The following PPA1 variants were observed in gnomAD, a reference collection of about 807,000 sequenced individuals.
PPA1 encodes the protein inorganic pyrophosphatase 1, also known as inorganic pyrophosphatase.
Under a neutral mutation model 41.8 loss-of-function variants are expected in PPA1, and 23 were observed. The ratio of observed to expected loss-of-function variants is 0.55; its 90% CI spans 0.40 to 0.78. PPA1 has a LOEUF of 0.78. Ranked by LOEUF, PPA1 falls within the 30% of genes least tolerant of loss-of-function variation. PPA1 has a pLI of 0.00. For synonymous variants in PPA1, 101 were observed against 116.8 expected, an observed-to-expected ratio of 0.86 and a Z score of 0.87; for missense variants, 320 against 361.6, an observed-to-expected ratio of 0.89 and a Z score of 0.93.
chr10:70,210,602 A>G (rs1421979675), intron 6 of PPA1, among the ~76,000 whole-genome samples: 1 of 152,206 alleles, frequency 6.6e-6, no homozygotes, highest in Non-Finnish European at 1.5e-5. Context: ...GCTAGCCTCA[A>G]TGTTATCAAA....
chr10:70,226,431 T>C (rs1840231781), intron 2 of PPA1, among the ~76,000 whole-genome samples: 2 of 151,966 alleles, frequency 1.3e-5, no homozygotes, highest in South Asian at 4.2e-4. Flanking sequence ...CGGTGGTGTG[T>C]GCCTGTAGTC....
rs1395146085 is a variant in PPA1, at chr10:70,209,284, C to T, written c.646G>A (p.Ala216Thr). Residue 216 changes from alanine (A) to threonine (T), a missense_variant, in exon 8 of 11, where the codon GCC becomes ACC. Transcript: ENST00000373232. ...FNAEFKDKDF[A>T]IDIIKSTHDH... ...TGAGTGCTTTTAATAATATCAATGG[C>T]AAAGTCCTATAATTTGAAGAGGTTT... 6.3e-7 allele frequency: 1 copy of T among 1,583,776 alleles called. No individual in the cohort carries two copies.
chr10:70,216,550 G>A (rs1234960652), intron 4 of PPA1, among the ~76,000 whole-genome samples: 1 of 151,878 alleles, frequency 6.6e-6, no homozygotes, highest in African/African-American at 2.4e-5. Context: ...ACAAACAAAT[G>A]ACTTTGTGCT....
chr10:70,220,015 C>T (rs1358281034), intron 2 of PPA1, among the ~76,000 whole-genome samples: 1 of 151,984 alleles, frequency 6.6e-6, no homozygotes, highest in African/African-American at 2.4e-5. Context: ...GCAACCTCTG[C>T]CTCCTGAGTT....
chr10:70,214,842 A>G (rs1840061426), intron 4 of PPA1, among the ~76,000 whole-genome samples: 1 of 152,196 alleles, frequency 6.6e-6, no homozygotes, highest in Admixed American at 6.5e-5. Context: ...AAAGCCAACT[A>G]CTCAATAACT....
At chr10:70,226,346 G>A (rs1013036459) in intron 2 of PPA1, among the ~76,000 whole-genome samples, 3 of 152,088 alleles carry the variant, frequency 2.0e-5, no homozygotes, top group African/African-American at 7.2e-5. Context: ...AGCTGAGGTG[G>A]GTGGACTGTT....
At chr10:70,216,292 C>T (rs771807060) in intron 4 of PPA1, among the ~76,000 whole-genome samples, 2 of 152,000 alleles carry the variant, frequency 1.3e-5, no homozygotes, top group Non-Finnish European at 2.9e-5. Flanking sequence ...TTGAGACCAG[C>T]CTGGCCAATA....
intron 2 of PPA1, among the ~76,000 whole-genome samples, chr10:70,225,910 C>T (rs1840224705): frequency 6.6e-6 from 1 of 152,052 alleles, no homozygotes; most frequent in African/African-American, 2.4e-5. Context: ...TATATGGATA[C>T]CTGAAGTATT....
chr10:70,211,625 A>T (rs1328892265), intron 6 of PPA1, among the ~76,000 whole-genome samples: 2 of 152,226 alleles, frequency 1.3e-5, no homozygotes, highest in African/African-American at 4.8e-5. Flanking sequence ...GGTTGACATT[A>T]GGGAAAGCTG....
intron 2 of PPA1, among the ~76,000 whole-genome samples, chr10:70,220,657 ATT>A (rs1840137038): frequency 3.3e-4 from 1 of 3,044 alleles, no homozygotes; most frequent in African/African-American, 1.4e-3. Flanking sequence ...TTATATATAT[ATT>A]ATATATAATT....
chr10:70,210,177 G>A (rs1035449015), intron 6 of PPA1: 2 of 349,714 alleles, frequency 5.7e-6, no homozygotes, highest in Non-Finnish European at 1.1e-5. Context: ...GACCTCCACA[G>A]TTCAGCGATC....
chr10:70,226,969 GT>G (rs1239434749), intron 2 of PPA1, among the ~76,000 whole-genome samples: 1 of 152,128 alleles, frequency 6.6e-6, no homozygotes. Flanking sequence ...TAACATGAAA[GT>G]TTAAGATATG....
intron 10 of PPA1, 57 bp from the exon 11 acceptor site, chr10:70,203,243 C>A: frequency 7.0e-7 from 1 of 1,418,870 alleles, no homozygotes; most frequent in Non-Finnish European, 9.9e-7. Flanking sequence ...CAAAAATACA[C>A]CTAACATATA....
intron 1 of PPA1, among the ~76,000 whole-genome samples, chr10:70,230,960 G>A (rs1840284497): frequency 6.6e-6 from 1 of 152,130 alleles, no homozygotes; most frequent in Admixed American, 6.5e-5. Context: ...CGATTAAATT[G>A]TTTTGGACTG....
chr10:70,223,521 T>C (rs1484705371), intron 2 of PPA1, among the ~76,000 whole-genome samples: 1 of 152,150 alleles, frequency 6.6e-6, no homozygotes, highest in Non-Finnish European at 1.5e-5. Context: ...TGCCCAGCTC[T>C]GTACTTGTAA....
At chr10:70,205,981 C>T in intron 9 of PPA1, 1 of 360,864 alleles carries the variant, frequency 2.8e-6, no homozygotes, top group Non-Finnish European at 5.2e-6. Context: ...GGGTCATAGG[C>T]ACACAGGTTA....
At chr10:70,223,217 A>AAGAGAGAGAGAGAGAGAGAGAGAG in intron 2 of PPA1, among the ~76,000 whole-genome samples, 1 of 148,830 alleles carries the variant, frequency 6.7e-6, no homozygotes, top group East Asian at 2.0e-4. Flanking sequence ...CATTTTTTTA[A>AAGAGAGAGAGAGAGAGAGAGAGAG]AGAGAGAGAG....
At chr10:70,204,667 C>T (rs1344936059) in intron 10 of PPA1, 10 of 468,104 alleles carry the variant, frequency 2.1e-5, no homozygotes, top group East Asian at 3.6e-5. Flanking sequence ...ATGTTTTTAC[C>T]ACACAACAAA....
intron 10 of PPA1, among the ~76,000 whole-genome samples, 156 bp from the exon 11 acceptor site, chr10:70,203,342 T>G (rs1839901942): frequency 6.6e-6 from 1 of 152,168 alleles, no homozygotes; most frequent in Admixed American, 6.6e-5. Flanking sequence ...CTACAGCAAA[T>G]GCAGGTGTTT....
Sources: gnomAD v4.1 joint callset for allele counts (sites outside exome capture counted in the v4.1 genomes callset) on GRCh38, gnomAD v4.1.1 for gene constraint, MANE v1.5 for transcripts, NCBI Gene and HGNC (gene_info 2026-07-23, HGNC 2026-07-21) for gene names.